KCNE5: variants seen among roughly 807,000 people sequenced by gnomAD.
The protein encoded by KCNE5 is potassium voltage-gated channel subfamily E regulatory beta subunit 5.
For missense variants in KCNE5, 131 were observed against 132.9 expected (o/e 0.99, Z 0.07); for synonymous variants, 65 against 62.3 (o/e 1.04, Z -0.20).
chrX:109,625,039 C>A lies in KCNE5; in HGVS notation c.-19G>T. On this transcript the variant is annotated 5_prime_UTR_variant, in exon 1 of 1. Transcript: ENST00000372101. ...AGTTCATGGCTTTCGGGGAGTGACA[C>A]GGCGGCTCCAGGACGCTGCTGACCT... 2 of 1,178,984 alleles carry A rather than the reference C, an allele frequency of 1.7e-6. No individual in the cohort carries two copies. Among genetic ancestry groups the A allele is most frequent in the South Asian group, 1.9e-5 (1 of 53,699 alleles).
rs1934257509 is a variant in KCNE5, at chrX:109,624,480, T to C, written c.*112A>G. The stretch of plus-strand genomic sequence containing the variant: ...GGTCTCCTGGCCTCTCACCATTATC[T>C]GGGCCTCAGATGAGGCGAACCCTGG... On this transcript the variant is annotated 3_prime_UTR_variant, in exon 1 of 1. Transcript: ENST00000372101. 2 of 692,422 alleles carry C rather than the reference T, an allele frequency of 2.9e-6. No individual in the cohort carries two copies. The highest frequency in any genetic ancestry group is 3.3e-5 in the South Asian group (1 of 30,657). The allele number at this position is 692,422 out of a possible 1,213,427, so 57.1% of individuals were successfully genotyped here.
Position 109,624,952 on chromosome X carries a change from C to G in KCNE5, c.69G>C (p.Arg23=). 1.7e-6 allele frequency: 2 copies of G among 1,211,113 alleles called. No homozygotes were observed. Among genetic ancestry groups the G allele is most frequent in the Non-Finnish European group, 2.2e-6 (2 of 894,951 alleles). Residue 23 remains arginine (R), a synonymous_variant, in exon 1 of 1, where the codon CGG becomes CGC. Transcript: ENST00000372101. ...LSRLLLELHH[R]GNASGLGAGP... ...CAGCGCCCAAGCCGCTGGCATTACC[C>G]CGGTGGTGCAGCTCGAGCAACAGGC...
chrX:109,625,138 G>C lies in KCNE5; in HGVS notation c.-118C>G. 1 of 836,570 alleles carries C rather than the reference G, an allele frequency of 1.2e-6. No homozygotes were observed. Among genetic ancestry groups the C allele is most frequent in the Non-Finnish European group, 1.7e-6 (1 of 581,447 alleles). The allele number at this position is 836,570 out of a possible 1,213,427, so 68.9% of individuals were successfully genotyped here. On this transcript the variant is annotated 5_prime_UTR_variant, in exon 1 of 1. Coordinates refer to ENST00000372101, the MANE Select transcript of KCNE5 (RefSeq NM_012282.4). Reference sequence around the variant, plus strand: ...GCAGGGCTCAGCAGCGGAAACAGCGGTAGCACCCAGCTCTCCGGCGAGCGC... The same window carrying C: ...GCAGGGCTCAGCAGCGGAAACAGCGCTAGCACCCAGCTCTCCGGCGAGCGC...
chrX:109,624,346 T>A lies in KCNE5; in HGVS notation c.*246A>T, dbSNP rs1423569290. Reference sequence around the variant, plus strand: ...TCTGAAGACAAGAGAGCAGAGGCAGTTTAGTGCAGTTGGATGTGCGGGGTA... The same window carrying A: ...TCTGAAGACAAGAGAGCAGAGGCAGATTAGTGCAGTTGGATGTGCGGGGTA... On this transcript the variant is annotated 3_prime_UTR_variant, in exon 1 of 1. Transcript: ENST00000372101. The A allele has an allele frequency of 1.5e-5, 5 of 343,143 alleles. No individual in the cohort carries two copies. Among genetic ancestry groups the A allele is most frequent in the Non-Finnish European group, 2.5e-5 (5 of 201,863 alleles). 28.3% of individuals were successfully genotyped at this position (343,143 alleles called of 1,213,427 possible).
Position 109,625,076 on chromosome X carries a change from C to G in KCNE5, c.-56G>C, listed in dbSNP as rs1934272936. The G allele has an allele frequency of 1.8e-6, 2 of 1,124,579 alleles. No homozygotes were observed. Among genetic ancestry groups the G allele is most frequent in the East Asian group, 3.3e-5 (1 of 30,607 alleles). 92.7% of individuals were successfully genotyped at this position (1,124,579 alleles called of 1,213,427 possible). ...GACGCTGCTGACCTTTCCCCCTGGG[C>G]GAGGGGAAGCGAGCTAGCGAGCGGG... On this transcript the variant is annotated 5_prime_UTR_variant, in exon 1 of 1. Coordinates refer to ENST00000372101, the MANE Select transcript of KCNE5 (RefSeq NM_012282.4).
At position 109,624,790 on chromosome X, in the gene KCNE5, G is replaced by A. The variant is rs903146699; in HGVS notation, c.231C>T (p.Leu77=). Residue 77 remains leucine, a synonymous_variant, in exon 1 of 1, where the codon CTC becomes CTT. Coordinates refer to ENST00000372101, the MANE Select transcript of KCNE5 (RefSeq NM_012282.4). ...TACGGGAGCGGGTGTAGGCCAGGAT[G>A]AGGCCTCCGGCCAAGCAGGCGTAGA... ...MIFYACLAGG[L]ILAYTRSRKL... is the part of the protein sequence containing the mutation. 1 of 1,211,068 alleles carries A rather than the reference G, an allele frequency of 8.3e-7. No individual in the cohort carries two copies. The highest frequency in any genetic ancestry group is 1.1e-6 in the Non-Finnish European group (1 of 895,047).
chrX:109,625,080 G>A lies in KCNE5; in HGVS notation c.-60C>T. On this transcript the variant is annotated 5_prime_UTR_variant, in exon 1 of 1. Coordinates refer to ENST00000372101, the MANE Select transcript of KCNE5 (RefSeq NM_012282.4). ...CTGCTGACCTTTCCCCCTGGGCGAG[G>A]GGAAGCGAGCTAGCGAGCGGGCCGG... 8.9e-7 allele frequency: 1 copy of A among 1,128,974 alleles called. No individual in the cohort carries two copies. Among genetic ancestry groups the A allele is most frequent in the Non-Finnish European group, 1.2e-6 (1 of 840,320 alleles). The allele number at this position is 1,128,974 out of a possible 1,213,427, so 93.0% of individuals were successfully genotyped here.
rs1189341930 is a variant in KCNE5 at position 109,624,756 on chromosome X, C to G, written c.265G>C (p.Glu89Gln). Reference sequence around the variant, plus strand: ...GCCTGGGACGGCTCGTCCTTGGCCTCGACGAGCTTACGGGAGCGGGTGTAG... The same window carrying G: ...GCCTGGGACGGCTCGTCCTTGGCCTGGACGAGCTTACGGGAGCGGGTGTAG... ...LAYTRSRKLVEAKDEPSQACA... is the reference protein window; with the variant it reads ...LAYTRSRKLVQAKDEPSQACA... Residue 89 changes from glutamate (E) to glutamine (Q), a missense_variant, in exon 1 of 1, where the codon GAG (glutamate) becomes CAG (glutamine). Coordinates refer to ENST00000372101, the MANE Select transcript of KCNE5 (RefSeq NM_012282.4). 3.3e-6 allele frequency: 4 copies of G among 1,211,203 alleles called. No homozygotes were observed. The highest frequency in any genetic ancestry group is 2.2e-6 in the Non-Finnish European group (2 of 895,083).
rs1258951129 is a variant in KCNE5, at chrX:109,625,086, C to A, written c.-66G>T. 2.7e-6 allele frequency: 3 copies of A among 1,102,811 alleles called. No homozygotes were observed. The highest frequency in any genetic ancestry group is 2.4e-6 in the Non-Finnish European group (2 of 817,664). 90.9% of individuals were successfully genotyped at this position (1,102,811 alleles called of 1,213,427 possible). A position where few individuals can be genotyped will look rare whatever the true frequency, so the allele number is the denominator to read the frequency against. On this transcript the variant is annotated 5_prime_UTR_variant, in exon 1 of 1. Transcript: ENST00000372101. ...ACCTTTCCCCCTGGGCGAGGGGAAGCGAGCTAGCGAGCGGGCCGGCCGGCG... is the reference window on the plus strand; with the variant it reads ...ACCTTTCCCCCTGGGCGAGGGGAAGAGAGCTAGCGAGCGGGCCGGCCGGCG...
Position 109,623,915 on chromosome X carries a change from G to A in KCNE5, c.*677C>T, listed in dbSNP as rs1934248918. Reference sequence around the variant, plus strand: ...CTACCAAAAATCAGGCGTTACCACTGGGATGAAAACTGGGGAGGCAAGAAA... The same window carrying A: ...CTACCAAAAATCAGGCGTTACCACTAGGATGAAAACTGGGGAGGCAAGAAA... On this transcript the variant is annotated 3_prime_UTR_variant, in exon 1 of 1. Transcript: ENST00000372101. 9.0e-6 allele frequency: 1 copy of A among 111,591 alleles called. No individual in the cohort carries two copies. The highest frequency in any genetic ancestry group is 1.9e-5 in the Non-Finnish European group (1 of 53,091). The allele number at this position is 111,591 out of a possible 1,213,427, so 9.2% of individuals were successfully genotyped here.
At position 109,624,598 on chromosome X, in the gene KCNE5, C is replaced by T. The variant is rs1436080406; in HGVS notation, c.423G>A (p.Arg141=). 1.8e-6 allele frequency: 2 copies of T among 1,108,195 alleles called. No individual in the cohort carries two copies. The highest frequency in any genetic ancestry group is 2.4e-6 in the Non-Finnish European group (2 of 849,994). The allele number at this position is 1,108,195 out of a possible 1,213,427, so 91.3% of individuals were successfully genotyped here. Residue 141 remains arginine (R), a synonymous_variant, in exon 1 of 1, where the codon CGG becomes CGA. Transcript: ENST00000372101. ...GCAATCTGGGGCTGTGGTTTTAGAC[C>T]CGCTCAGCGCCCTGGGCGAGGGCAG... ...GLPALAQGAE[R]V
chrX:109,624,032 G>A lies in KCNE5; in HGVS notation c.*560C>T, dbSNP rs1466335696. The A allele has an allele frequency of 8.9e-6, 1 of 111,891 alleles. No homozygotes were observed. Among genetic ancestry groups the A allele is most frequent in the African/African-American group, 3.3e-5 (1 of 30,642 alleles). 9.2% of individuals were successfully genotyped at this position (111,891 alleles called of 1,213,427 possible). ...TTAAGTTCATTCTATCCCACAGACT[G>A]GTCCTAGTGTCCTGCTAGCTCCCTG... On this transcript the variant is annotated 3_prime_UTR_variant, in exon 1 of 1. Transcript: ENST00000372101.
Position 109,624,809 on chromosome X carries a change from G to T in KCNE5, c.212C>A (p.Ala71Asp). Reference sequence around the variant, plus strand: ...CAGGATGAGGCCTCCGGCCAAGCAGGCGTAGAAGATCATGATGAGCAGGAT... The same window carrying T: ...CAGGATGAGGCCTCCGGCCAAGCAGTCGTAGAAGATCATGATGAGCAGGAT... ...LYILLIMIFY[A>D]CLAGGLILAY... The change falls in exon 1 of 1, where the codon GCC (alanine) becomes GAC (aspartate). Residue 71 changes from alanine (A) to aspartate (D), a missense_variant. Transcript: ENST00000372101. 8.2e-7 allele frequency: 1 copy of T among 1,212,307 alleles called. No homozygotes were observed. Among genetic ancestry groups the T allele is most frequent in the Non-Finnish European group, 1.1e-6 (1 of 895,477 alleles).
At position 109,624,687 on chromosome X, in the gene KCNE5, C is replaced by T. The variant is rs764564753; in HGVS notation, c.334G>A (p.Asp112Asn). ...EWAPGGALTA[D>N]AEAAAGSQAE... The stretch of plus-strand genomic sequence containing the variant: ...TGGGAGCCCGCGGCAGCCTCGGCGT[C>T]GGCGGTCAGGGCGCCTCCCGGGGCC... The change falls in exon 1 of 1, where the codon GAC becomes AAC. Residue 112 changes from aspartate to asparagine, a missense_variant. Transcript: ENST00000372101. 108 of 1,183,360 alleles carry T rather than the reference C, an allele frequency of 9.1e-5. No individual in the cohort carries two copies. The Admixed American group carries it at 2.4e-3, about 27-fold the overall frequency.
chrX:109,625,128 G>A lies in KCNE5; in HGVS notation c.-108C>T, dbSNP rs1283264635. The A allele has an allele frequency of 2.2e-6, 2 of 898,633 alleles. No homozygotes were observed. The highest frequency in any genetic ancestry group is 3.9e-5 in the African/African-American group (2 of 50,920). 74.1% of individuals were successfully genotyped at this position (898,633 alleles called of 1,213,427 possible). Reference sequence around the variant, plus strand: ...CGGCCGGCGGGCAGGGCTCAGCAGCGGAAACAGCGGTAGCACCCAGCTCTC... The same window carrying A: ...CGGCCGGCGGGCAGGGCTCAGCAGCAGAAACAGCGGTAGCACCCAGCTCTC... On this transcript the variant is annotated 5_prime_UTR_variant, in exon 1 of 1. Transcript: ENST00000372101.
At position 109,624,846 on chromosome X, in the gene KCNE5, C is replaced by T; in HGVS notation, c.175G>A (p.Ala59Thr). ...ATGATGAGCAGGATGTAGAGATAGGCGTCGTCGCCCTTGGCGCTGGTCACC... is the reference window on the plus strand; with the variant it reads ...ATGATGAGCAGGATGTAGAGATAGGTGTCGTCGCCCTTGGCGCTGGTCACC... ...REVTSAKGDDAYLYILLIMIF... is the reference protein window; with the variant it reads ...REVTSAKGDDTYLYILLIMIF... Residue 59 changes from alanine (A) to threonine (T), a missense_variant, in exon 1 of 1, where the codon GCC becomes ACC. Transcript: ENST00000372101. The T allele has an allele frequency of 8.2e-7, 1 of 1,212,223 alleles. No homozygotes were observed. The highest frequency in any genetic ancestry group is 2.2e-5 in the Admixed American group (1 of 46,198).
In KCNE5 at chrX:109,624,628, C is replaced by A; in HGVS notation, c.393G>T (p.Gly131=). 3 of 1,137,884 alleles carry A rather than the reference C, an allele frequency of 2.6e-6. No individual in the cohort carries two copies. The highest frequency in any genetic ancestry group is 3.5e-6 in the Non-Finnish European group (3 of 862,492). The allele number at this position is 1,137,884 out of a possible 1,213,427, so 93.8% of individuals were successfully genotyped here. Residue 131 remains glycine, a synonymous_variant, in exon 1 of 1, where the codon GGG becomes GGT. Coordinates refer to ENST00000372101, the MANE Select transcript of KCNE5 (RefSeq NM_012282.4). ...AEGRRQLASE[G]LPALAQGAER... ...CAGCGCCCTGGGCGAGGGCAGGCAG[C>A]CCCTCGGAGGCAAGCTGGCGGCGGC...
Position 109,624,982 on chromosome X carries a change from C to A in KCNE5, c.39G>T (p.Leu13=). 1 of 1,207,536 alleles carries A rather than the reference C, an allele frequency of 8.3e-7. No homozygotes were observed. Among genetic ancestry groups the A allele is most frequent in the Non-Finnish European group, 1.1e-6 (1 of 893,365 alleles). Residue 13 remains leucine (L), a synonymous_variant, in exon 1 of 1, where the codon CTG becomes CTT. Coordinates refer to ENST00000372101, the MANE Select transcript of KCNE5 (RefSeq NM_012282.4). ...CSESQRLRTL[L]SRLLLELHHR... is the part of the protein sequence containing the mutation. ...GGTGCAGCTCGAGCAACAGGCGGCT[C>A]AGAAGGGTTCGCAGCCGCTGGCTCT...
At position 109,624,726 on chromosome X, in the gene KCNE5, C is replaced by T. The variant is rs1333806246; in HGVS notation, c.295G>A (p.Ala99Thr). 1 of 1,206,824 alleles carries T rather than the reference C, an allele frequency of 8.3e-7. No homozygotes were observed. Among genetic ancestry groups the T allele is most frequent in the East Asian group, 3.0e-5 (1 of 33,544 alleles). ...CCTCCCGGGGCCCATTCGTGCTCGG[C>T]GCAAGCCTGGGACGGCTCGTCCTTG... The part of the protein sequence containing the change: ...EAKDEPSQAC[A>T]EHEWAPGGAL... The change falls in exon 1 of 1, where the codon GCC (alanine) becomes ACC (threonine). Residue 99 changes from alanine to threonine, a missense_variant. By Grantham distance (58) the Ala-to-Thr change is moderately conservative. Transcript: ENST00000372101.
Sources: gnomAD v4.1 joint callset for allele counts on GRCh38, gnomAD v4.1.1 for gene constraint, MANE v1.5 for transcripts, NCBI Gene and HGNC (gene_info 2026-07-23, HGNC 2026-07-21) for gene names.